PTBP3: variants seen among roughly 807,000 people sequenced by gnomAD.
PTBP3 encodes polypyrimidine tract binding protein 3.
PTBP3 carries 20 observed loss-of-function variants against 58.7 expected under a neutral mutation model. The ratio of observed to expected loss-of-function variants is 0.34; its 90% CI spans 0.24 to 0.50. The LOEUF (loss-of-function observed/expected upper bound fraction) is 0.50. Ranked by LOEUF, PTBP3 falls within the 20% of genes least tolerant of loss-of-function variation. The pLI is 0.98. For missense variants in PTBP3, 509 were observed against 637.2 expected (o/e 0.80, Z 2.17); for synonymous variants, 185 against 219.8 (o/e 0.84, Z 1.40).
At chr9:112,261,595 G>T (rs1346965795) in intron 5 of PTBP3, among the ~76,000 whole-genome samples, 1 of 152,124 alleles carries the variant, frequency 6.6e-6, no homozygotes, top group Non-Finnish European at 1.5e-5. Flanking sequence ...TAATATGTGG[G>T]CTAAGTGTAA....
Position 112,221,254 on chromosome 9 carries a change from T to C in PTBP3, c.*2597A>G, listed in dbSNP as rs975542807. 2.0e-6 allele frequency: 2 copies of C among 983,572 alleles called. No individual in the cohort carries two copies. Among genetic ancestry groups the C allele is most frequent in the African/African-American group, 3.5e-5 (2 of 57,142 alleles). 60.9% of individuals were successfully genotyped at this position (983,572 alleles called of 1,614,324 possible). A position where few individuals can be genotyped will look rare whatever the true frequency, so the allele number is the denominator to read the frequency against. Reference sequence around the variant, plus strand: ...AACTTTAGAAGAGTGTATTTATGTATATACACTTATCTACACACACACACA... The same window carrying C: ...AACTTTAGAAGAGTGTATTTATGTACATACACTTATCTACACACACACACA... On this transcript the variant is annotated 3_prime_UTR_variant, in exon 14 of 14. Transcript: ENST00000374257.
chr9:112,338,174 G>T (rs1830591044), upstream of PTBP3, among the ~76,000 whole-genome samples: 1 of 152,234 alleles, frequency 6.6e-6, no homozygotes, highest in Non-Finnish European at 1.5e-5. Context: ...GGGAGCAGAT[G>T]GAAGAGGATA....
At chr9:112,244,372 C>T (rs1835794120) in intron 7 of PTBP3, among the ~76,000 whole-genome samples, 2 of 149,044 alleles carry the variant, frequency 1.3e-5, no homozygotes, top group South Asian at 4.3e-4. Context: ...CCCAACTTTA[C>T]TGAGAGACAT....
upstream of PTBP3, among the ~76,000 whole-genome samples, chr9:112,337,335 A>G (rs914194632): frequency 2.0e-5 from 3 of 152,140 alleles, no homozygotes; most frequent in Non-Finnish European, 4.4e-5. Context: ...TGGCCAATTC[A>G]AAGAACTTAT....
At chr9:112,280,398 G>A (rs1474765728) in intron 2 of PTBP3, among the ~76,000 whole-genome samples, 5 of 152,032 alleles carry the variant, frequency 3.3e-5, no homozygotes, top group Non-Finnish European at 7.4e-5. Flanking sequence ...TACTGAACTA[G>A]CCAGGATTTT....
intron 1 of PTBP3, among the ~76,000 whole-genome samples, chr9:112,325,838 C>T (rs1434480283): frequency 6.6e-6 from 1 of 151,972 alleles, no homozygotes; most frequent in Non-Finnish European, 1.5e-5. Context: ...GCCAACATGG[C>T]GAAACCTAGT....
At chr9:112,346,375 C>A in the PTBP3 span, among the ~76,000 whole-genome samples, 1 of 151,942 alleles carries the variant, frequency 6.6e-6, no homozygotes, top group Non-Finnish European at 1.5e-5. Flanking sequence ...CCATGTTGGC[C>A]AGGTGAGTCT....
chr9:112,302,941 G>A (rs1444539703), intron 1 of PTBP3, among the ~76,000 whole-genome samples: 1 of 152,088 alleles, frequency 6.6e-6, no homozygotes, highest in South Asian at 2.1e-4. Flanking sequence ...AATTTGGGGA[G>A]AAAAGTAAGT....
Position 112,243,869 on chromosome 9 carries a change from A to C in PTBP3, c.802+7060T>G, listed in dbSNP as rs1835760645. 2.0e-5 allele frequency among the ~76,000 whole-genome samples: 3 copies of C among 152,316 alleles called. No individual in the cohort carries two copies. In the South Asian group the frequency reaches 6.2e-4, roughly 32 times the overall value. ...AGAACTGTTACACATTACACATAGA[A>C]AGAAAGAGAAATGCAGAGTAGTTAA... is the stretch of plus-strand genomic sequence containing the variant. On this transcript the variant is annotated intron_variant, in intron 7 of 13. Transcript: ENST00000374257.
At chr9:112,332,332 G>C (rs1830408474) in intron 1 of PTBP3, among the ~76,000 whole-genome samples, 1 of 152,086 alleles carries the variant, frequency 6.6e-6, no homozygotes, top group Non-Finnish European at 1.5e-5. Context: ...TTAATATTGT[G>C]AAACTAAAAT....
chr9:112,329,736 T>C (rs569101792), intron 1 of PTBP3, among the ~76,000 whole-genome samples: 4 of 152,080 alleles, frequency 2.6e-5, no homozygotes, highest in African/African-American at 7.2e-5. Context: ...ACCTGACACA[T>C]AGTAGGCACT....
chr9:112,366,876 G>A, the PTBP3 span, among the ~76,000 whole-genome samples: 1 of 152,174 alleles, frequency 6.6e-6, no homozygotes, highest in Non-Finnish European at 1.5e-5. Context: ...GCCTGTGAAA[G>A]CAGCCAGGAG....
chr9:112,368,087 T>C, the PTBP3 span, among the ~76,000 whole-genome samples: 15 of 152,144 alleles, frequency 9.9e-5, no homozygotes, highest in Admixed American at 9.8e-4. Flanking sequence ...CTCTGCCTCC[T>C]GGATTCAAGC....
At chr9:112,308,543 T>A (rs1021642833) in intron 1 of PTBP3, among the ~76,000 whole-genome samples, 1 of 152,012 alleles carries the variant, frequency 6.6e-6, no homozygotes, top group Non-Finnish European at 1.5e-5. Flanking sequence ...ACTGCTATGA[T>A]AACAGATTAC....
At chr9:112,279,743 T>C (rs1389477923) in intron 2 of PTBP3, among the ~76,000 whole-genome samples, 1 of 152,180 alleles carries the variant, frequency 6.6e-6, no homozygotes, top group African/African-American at 2.4e-5. Flanking sequence ...ATTCACATCT[T>C]AACATTTTTT....
At chr9:112,370,476 G>C in the PTBP3 span, among the ~76,000 whole-genome samples, 1 of 152,166 alleles carries the variant, frequency 6.6e-6, no homozygotes, top group Admixed American at 6.5e-5. Flanking sequence ...AGGAGGTGGA[G>C]GTTGCAGTGA....
At chr9:112,308,857 A>G (rs1178034978) in intron 1 of PTBP3, among the ~76,000 whole-genome samples, 1 of 152,150 alleles carries the variant, frequency 6.6e-6, no homozygotes, top group African/African-American at 2.4e-5. Context: ...CTAAGTCAGC[A>G]CACAATCAGC....
chr9:112,328,498 A>G (rs1830241955), intron 1 of PTBP3, among the ~76,000 whole-genome samples: 1 of 152,258 alleles, frequency 6.6e-6, no homozygotes, highest in Admixed American at 6.5e-5. Context: ...GTATTCAAAT[A>G]TGGTTCCTGC....
intron 7 of PTBP3, among the ~76,000 whole-genome samples, chr9:112,246,784 A>G (rs1835896591): frequency 6.6e-6 from 1 of 152,208 alleles, no homozygotes; most frequent in Non-Finnish European, 1.5e-5. Context: ...TACAAAGGGA[A>G]GAATAGTAAC....
Sources: allele counts gnomAD v4.1 joint callset (sites outside exome capture counted in the v4.1 genomes callset), GRCh38; gene constraint gnomAD v4.1.1; transcripts MANE v1.5; gene names NCBI Gene and HGNC (gene_info 2026-07-23, HGNC 2026-07-21).